PCDH15: variants seen among roughly 807,000 people sequenced by gnomAD.
PCDH15 encodes protocadherin-15.
PCDH15 carries 129 observed loss-of-function variants against 178.5 expected under a neutral mutation model. The observed-to-expected ratio is 0.72, with a 90% CI of 0.63 to 0.84. PCDH15 has a LOEUF of 0.84. PCDH15 is among the 40% of genes least tolerant of loss of function. The pLI is 0.00. For missense variants in PCDH15, 2,230 were observed against 2,099.9 expected (o/e 1.06, Z -1.21); for synonymous variants, 800 against 732.0 (o/e 1.09, Z -1.50).
At chr10:54,225,678 G>A (rs1054582119) in intron 9 of PCDH15, among the ~76,000 whole-genome samples, 3 of 152,096 alleles carry the variant, frequency 2.0e-5, no homozygotes, top group Admixed American at 6.6e-5. Flanking sequence ...ATAGAATTGA[G>A]AATAAAAGGT....
intron 20 of PCDH15, among the ~76,000 whole-genome samples, chr10:54,007,393 CTAATT>C (rs1012160678): frequency 1.3e-5 from 2 of 151,654 alleles, no homozygotes; most frequent in African/African-American, 4.8e-5. Context: ...GAAAATATCT[CTAATT>C]TACTATCATC....
chr10:54,859,566 C>T (rs967307974), intron 3 of PCDH15, among the ~76,000 whole-genome samples: 5 of 151,922 alleles, frequency 3.3e-5, no homozygotes, highest in South Asian at 2.1e-4. Context: ...TCTCCTTCCC[C>T]GAGCTTTTTC....
chr10:54,611,885 T>C (rs1179348590), intron 2 of PCDH15, among the ~76,000 whole-genome samples: 1 of 151,834 alleles, frequency 6.6e-6, no homozygotes, highest in Admixed American at 6.6e-5. Context: ...AAAAAACAAA[T>C]TGTATGATTG....
chr10:54,481,383 T>G (rs2078705115), intron 3 of PCDH15, among the ~76,000 whole-genome samples: 1 of 151,774 alleles, frequency 6.6e-6, no homozygotes, highest in African/African-American at 2.4e-5. Context: ...CCATATTTCT[T>G]ACATAACAAA....
intron 1 of PCDH15, among the ~76,000 whole-genome samples, chr10:55,263,093 G>T (rs1264665594): frequency 6.6e-6 from 1 of 152,098 alleles, no homozygotes; most frequent in Non-Finnish European, 1.5e-5. Context: ...TCTCATCCGG[G>T]ATCCTGGAAG....
chr10:54,546,535 A>C (rs2085872254), intron 2 of PCDH15, among the ~76,000 whole-genome samples: 2 of 152,150 alleles, frequency 1.3e-5, no homozygotes, highest in African/African-American at 4.8e-5. Flanking sequence ...AATGCATTGC[A>C]TTTATTATAA....
chr10:54,824,769 C>T (rs1418989306), intron 3 of PCDH15, among the ~76,000 whole-genome samples: 2 of 151,942 alleles, frequency 1.3e-5, no homozygotes, highest in African/African-American at 4.8e-5. Context: ...AGGAAATAGA[C>T]AGATGGAAAT....
At chr10:54,251,988 A>G (rs762747870) in intron 8 of PCDH15, among the ~76,000 whole-genome samples, 15 of 152,010 alleles carry the variant, frequency 9.9e-5, no homozygotes, top group Non-Finnish European at 1.8e-4. Flanking sequence ...TTTTATCTTC[A>G]GTGTAAAATG....
chr10:53,991,207 C>T (rs986335961), intron 21 of PCDH15, among the ~76,000 whole-genome samples: 9 of 152,178 alleles, frequency 5.9e-5, no homozygotes, highest in African/African-American at 9.7e-5. Context: ...GCGCGCGGTG[C>T]GGGACTGGCA....
chr10:55,520,823 T>C (rs760554781), intron 2 of PCDH15, among the ~76,000 whole-genome samples: 44 of 152,048 alleles, frequency 2.9e-4, no homozygotes, highest in Admixed American at 5.9e-4. Context: ...GACTGAGATA[T>C]AATTAACAAA....
chr10:55,021,206 C>A (rs1380110194), intron 2 of PCDH15, among the ~76,000 whole-genome samples: 1 of 152,168 alleles, frequency 6.6e-6, no homozygotes, highest in African/African-American at 2.4e-5. Context: ...TCAGTTCAAT[C>A]TATCTTGTTA....
chr10:54,623,103 G>A (rs1198229721), intron 2 of PCDH15, among the ~76,000 whole-genome samples: 4 of 151,762 alleles, frequency 2.6e-5, no homozygotes, highest in African/African-American at 9.7e-5. Context: ...TACTTTCCCT[G>A]CCTGACTTTC....
intron 2 of PCDH15, among the ~76,000 whole-genome samples, chr10:54,541,004 T>G (rs578180080): frequency 6.6e-6 from 1 of 152,106 alleles, no homozygotes; most frequent in Non-Finnish European, 1.5e-5. Context: ...CAAGGGAACA[T>G]ATCTCAAAAT....
intron 2 of PCDH15, among the ~76,000 whole-genome samples, chr10:55,443,738 G>T (rs896293670): frequency 2.6e-5 from 4 of 152,212 alleles, no homozygotes; most frequent in Non-Finnish European, 5.9e-5. Flanking sequence ...ATTCCTCAAG[G>T]ATCTAGAACT....
At chr10:55,485,921 C>G (rs1228265546) in intron 2 of PCDH15, among the ~76,000 whole-genome samples, 1 of 151,636 alleles carries the variant, frequency 6.6e-6, no homozygotes, top group Non-Finnish European at 1.5e-5. Context: ...GACTTTACAT[C>G]CCTACAGAAC....
At chr10:55,102,619 C>T (rs1842599338) in intron 2 of PCDH15, among the ~76,000 whole-genome samples, 1 of 152,038 alleles carries the variant, frequency 6.6e-6, no homozygotes, top group African/African-American at 2.4e-5. Context: ...CTGTAATTGA[C>T]TGCAGATAAG....
intron 3 of PCDH15, among the ~76,000 whole-genome samples, chr10:54,383,262 A>T (rs564908476): frequency 6.6e-6 from 1 of 152,304 alleles, no homozygotes; most frequent in Admixed American, 6.5e-5. Flanking sequence ...CTATGTATGC[A>T]TATGTAAAAT....
chr10:55,486,082 T>C (rs929319988), intron 2 of PCDH15, among the ~76,000 whole-genome samples: 2 of 151,764 alleles, frequency 1.3e-5, no homozygotes, highest in African/African-American at 2.4e-5. Flanking sequence ...TTGTGCCTAA[T>C]GTGCTCTAGT....
intron 2 of PCDH15, among the ~76,000 whole-genome samples, chr10:55,480,580 T>G (rs1025598834): frequency 6.6e-6 from 1 of 151,870 alleles, no homozygotes; most frequent in Non-Finnish European, 1.5e-5. Context: ...CCTGCATCTA[T>G]GAGATAACCA....
Sources: allele counts gnomAD v4.1 joint callset (sites outside exome capture counted in the v4.1 genomes callset), GRCh38; gene constraint gnomAD v4.1.1; transcripts MANE v1.5; gene names NCBI Gene and HGNC (gene_info 2026-07-23, HGNC 2026-07-21).